ARHGAP33: variants seen among roughly 807,000 people sequenced by gnomAD.
The protein encoded by ARHGAP33 is Rho GTPase activating protein 33.
A neutral mutation model predicts 126.2 loss-of-function variants in ARHGAP33; 57 were observed. The ratio of observed to expected loss-of-function variants is 0.45; its 90% confidence interval spans 0.36 to 0.56. The LOEUF (loss-of-function observed/expected upper bound fraction) is 0.56, where lower values mean the gene tolerates loss of function less well. Ranked by LOEUF, ARHGAP33 falls within the 20% of genes least tolerant of loss-of-function variation. The pLI, the probability that ARHGAP33 is intolerant of heterozygous loss-of-function variation, is 0.00. For synonymous variants in ARHGAP33, 711 were observed against 755.0 expected (o/e 0.94, Z 0.95); for missense variants, 1,500 against 1,748.3 (o/e 0.86, Z 2.53).
Position 35,786,928 on chromosome 19 carries a change from G to GC in ARHGAP33, c.2460dup (p.Thr821HisfsTer30). ...GGGGGCTGGGGGAGCACCTGCCTCA[G>GC]CCACCCCAACACCAGCTCTCAGCCC... On this transcript the variant is annotated frameshift_variant, in exon 20 of 21. Coordinates refer to ENST00000007510, the MANE Select transcript of ARHGAP33 (RefSeq NM_001366178.1). LOFTEE classifies it high-confidence loss of function. This position sits in a 1 kb window ranked among gnomAD's most constrained non-coding sequence, Gnocchi z 7.0. 6.2e-7 allele frequency: 1 copy of GC among 1,610,676 alleles called. No homozygotes were observed. Among genetic ancestry groups the GC allele is most frequent in the Non-Finnish European group, 8.5e-7 (1 of 1,179,580 alleles).
chr19:35,779,936 AT>A, intron 6 of ARHGAP33: 1 of 563,612 alleles, frequency 1.8e-6, no homozygotes, highest in South Asian at 1.5e-5. Flanking sequence ...GCAGAGGTGG[AT>A]GGGGAAGCCT....
rs769272533 is a variant in ARHGAP33, at chr19:35,784,310, C to A, written c.1560C>A (p.Asp520Glu). ...FSDTFTSAGL[D>E]PAGRCLLPRP... is the part of the protein sequence containing the mutation. ...ACACCTTCACCTCCGCCGGCCTCGA[C>A]CCTGCAGGTATGCCCTCCCACCCCC... is the stretch of plus-strand genomic sequence containing the variant. Residue 520 changes from aspartate (D) to glutamate (E), a missense_variant, in exon 16 of 21, where the codon GAC becomes GAA. This residue lies in a region of ARHGAP33 where 300 missense variants were observed against 291.1 expected (regional missense o/e 1.03). Transcript: ENST00000007510. The A allele has an allele frequency of 1.3e-6, 2 of 1,577,800 alleles. No individual in the cohort carries two copies. The highest frequency in any genetic ancestry group is 2.3e-5 in the East Asian group (1 of 43,096).
rs1446516322 is a variant in ARHGAP33, at chr19:35,786,548, C to A, written c.2078C>A (p.Ser693Tyr). 2 of 1,536,026 alleles carry A rather than the reference C, an allele frequency of 1.3e-6. No individual in the cohort carries two copies. Among genetic ancestry groups the A allele is most frequent in the African/African-American group, 2.7e-5 (2 of 73,024 alleles). The change falls in exon 20 of 21, where the codon TCT becomes TAT. Residue 693 changes from serine (S) to tyrosine (Y), a missense_variant. By Grantham distance (144) the Ser-to-Tyr change is moderately radical. This residue lies in a region of ARHGAP33 where 300 missense variants were observed against 291.1 expected (regional missense o/e 1.03). Coordinates refer to ENST00000007510, the MANE Select transcript of ARHGAP33 (RefSeq NM_001366178.1). This position sits in a 1 kb window ranked among gnomAD's most constrained non-coding sequence, Gnocchi z 7.0. ...GAGTCCTCCTCCTCTGAGTCCTCCT[C>A]TTCCTCCTCTGAGTCCTCAGCAGCT... Reference protein sequence around the residue: ...SSESSSSESSSSSSESSAAGL... With the variant: ...SSESSSSESSYSSSESSAAGL...
chr19:35,783,033 C>T, intron 15 of ARHGAP33, 164 bp downstream of exon 15: 3 of 615,574 alleles, frequency 4.9e-6, no homozygotes, highest in Non-Finnish European at 8.6e-6. Flanking sequence ...TGAGCATGGC[C>T]CTGTCCTCCT....
Position 35,785,665 on chromosome 19 carries a change from C to T in ARHGAP33, c.1942+182C>T, listed in dbSNP as rs915091800. The T allele has an allele frequency of 2.0e-5, 29 of 1,433,026 alleles. No individual in the cohort carries two copies. In the Admixed American group the frequency reaches 4.8e-4, roughly 24 times the overall value. The allele number at this position is 1,433,026 out of a possible 1,614,324, so 88.8% of individuals were successfully genotyped here. A position where few individuals can be genotyped will look rare whatever the true frequency, so the allele number is the denominator to read the frequency against. On this transcript the variant is annotated intron_variant, in intron 19 of 20. Transcript: ENST00000007510. Reference sequence around the variant, plus strand: ...ACAGTATCACCTTTGGTTCATCACACACTGAACTTAACTTACTCATTGGTC... The same window carrying T: ...ACAGTATCACCTTTGGTTCATCACATACTGAACTTAACTTACTCATTGGTC...
intron 15 of ARHGAP33, 134 bp downstream of exon 15, chr19:35,783,003 TAGCACTGGGGACCC>T: frequency 1.3e-6 from 1 of 742,974 alleles, no homozygotes; most frequent in Non-Finnish European, 2.2e-6. Flanking sequence ...GCCCCGTCCC[TAGCACTGGGGACCC>T]AGCACTGAGC....
Position 35,787,991 on chromosome 19 carries a change from C to A in ARHGAP33, c.3426C>A (p.Pro1142=), listed in dbSNP as rs760259395. The A allele has an allele frequency of 6.3e-7, 1 of 1,576,448 alleles. No homozygotes were observed. The highest frequency in any genetic ancestry group is 8.7e-7 in the Non-Finnish European group (1 of 1,151,174). The change falls in exon 21 of 21, where the codon CCC becomes CCA. Residue 1142 remains proline (P), a synonymous_variant. Coordinates refer to ENST00000007510, the MANE Select transcript of ARHGAP33 (RefSeq NM_001366178.1). ...TCCTGCTCAGCTACCCGCCAGCCCC[C>A]TCCTGCTTTCCCCCTGACCACCTTG... The part of the protein sequence containing the change: ...PDFLLSYPPA[P]SCFPPDHLGY...
At chr19:35,781,294 C>G (rs981636823) in intron 12 of ARHGAP33, 42 bp downstream of exon 12, 1 of 1,581,448 alleles carries the variant, frequency 6.3e-7, no homozygotes. Context: ...CAGGCACTCA[C>G]CCAGCACCTC....
In ARHGAP33 at chr19:35,782,490, C is replaced by T; in HGVS notation, c.1203C>T (p.Leu401=). Residue 401 remains leucine (L), a synonymous_variant, in exon 13 of 21, where the codon CTC becomes CTT. Transcript: ENST00000007510. The surrounding 1 kb of genome is among the most constrained non-coding windows in gnomAD (Gnocchi z 4.1). The stretch of plus-strand genomic sequence containing the variant: ...TCCGAGAGCTTCCGAACCCTCTGCT[C>T]ACCTACCAGCTCTATGGGAAGTTCA... ...LYFRELPNPL[L]TYQLYGKFSE... 3.7e-6 allele frequency: 6 copies of T among 1,613,390 alleles called. 1 individual carries two copies. The highest frequency in any genetic ancestry group is 3.3e-5 in the South Asian group (3 of 91,064).
rs1163491885 is a variant in ARHGAP33 at position 35,782,228 on chromosome 19, C to A, written c.1086-145C>A. 2.3e-6 allele frequency: 2 copies of A among 871,166 alleles called. No homozygotes were observed. Among genetic ancestry groups the A allele is most frequent in the African/African-American group, 1.7e-5 (1 of 59,886 alleles). The allele number at this position is 871,166 out of a possible 1,614,324, so 54.0% of individuals were successfully genotyped here. A position where few individuals can be genotyped will look rare whatever the true frequency, so the allele number is the denominator to read the frequency against. ...GCTTGCTGGGGAGTTCAGTAAGGTT[C>A]TGCCTCTGAAGAGCCCAGTGTAGGA... On this transcript the variant is annotated intron_variant, in intron 12 of 20. Transcript: ENST00000007510. This position sits in a 1 kb window ranked among gnomAD's most constrained non-coding sequence, Gnocchi z 4.1.
Position 35,788,178 on chromosome 19 carries a change from C to A in ARHGAP33, c.3613C>A (p.Arg1205Ser). ...TTCAGATCCCGGTCCCCCAGTCCCC[C>A]GCCTTCCCCAGAAACAACGGGCACC... is the stretch of plus-strand genomic sequence containing the variant. Reference protein sequence around the residue: ...SRSDPGPPVPRLPQKQRAPWG... With the variant: ...SRSDPGPPVPSLPQKQRAPWG... The change falls in exon 21 of 21, where the codon CGC becomes AGC. Residue 1205 changes from arginine (R) to serine (S), a missense_variant. Transcript: ENST00000007510. The A allele has an allele frequency of 1.2e-6, 2 of 1,608,722 alleles. No individual in the cohort carries two copies. The highest frequency in any genetic ancestry group is 1.7e-6 in the Non-Finnish European group (2 of 1,178,136).
chr19:35,779,813 A>G (rs1568423997), intron 6 of ARHGAP33: 1 of 423,344 alleles, frequency 2.4e-6, no homozygotes, highest in South Asian at 1.6e-5. Flanking sequence ...GGGTCAAGCA[A>G]TTCTCCAGGC....
At chr19:35,778,984 C>A (rs760973049) in intron 5 of ARHGAP33, 48 bp from the exon 6 acceptor site, 52 of 1,467,326 alleles carry the variant, frequency 3.5e-5, no homozygotes, top group Non-Finnish European at 4.8e-5. Context: ...GGGCAGTGGG[C>A]TCTCTCACGT....
rs1213415041 is a variant in ARHGAP33, at chr19:35,777,637, C to T, written c.7-8C>T. On this transcript the variant is annotated splice_region_variant and splice_polypyrimidine_tract_variant and intron_variant, in intron 1 of 20. Coordinates refer to ENST00000007510, the MANE Select transcript of ARHGAP33 (RefSeq NM_001366178.1). ...CTCTGGGGGCCTCTGATTCTTTCTG[C>T]TCTACAGGCACGCAGCACTGACAGC... is the stretch of plus-strand genomic sequence containing the variant. 1.3e-6 allele frequency: 2 copies of T among 1,561,976 alleles called. No individual in the cohort carries two copies. Among genetic ancestry groups the T allele is most frequent in the Non-Finnish European group, 1.7e-6 (2 of 1,151,940 alleles).
chr19:35,780,378 C>G (rs777222058), intron 7 of ARHGAP33, 43 bp from the exon 8 acceptor site: 2 of 1,610,514 alleles, frequency 1.2e-6, no homozygotes, highest in East Asian at 2.2e-5. Flanking sequence ...CCCCACACCC[C>G]CTGCTCCTTC....
Position 35,780,767 on chromosome 19 carries a change from C to T in ARHGAP33, c.780C>T (p.Gly260=), listed in dbSNP as rs1971721622. The T allele has an allele frequency of 6.2e-6, 10 of 1,613,844 alleles. No individual in the cohort carries two copies. In the East Asian group the frequency reaches 1.8e-4, roughly 29 times the overall value. The change falls in exon 10 of 21, where the codon GGC becomes GGT. Residue 260 remains glycine (G), a synonymous_variant. Transcript: ENST00000007510. ...PGPGLKADAD[G]PPCGIPAPQG... is the part of the protein sequence containing the mutation. The stretch of plus-strand genomic sequence containing the variant: ...TTTTTCGCCTAGCAGATGCCGATGG[C>T]CCCCCATGTGGCATCCCGGCTCCCC...
At chr19:35,783,492 A>G (rs1000340213) in intron 15 of ARHGAP33, among the ~76,000 whole-genome samples, 1 of 152,140 alleles carries the variant, frequency 6.6e-6, no homozygotes, top group African/African-American at 2.4e-5. Flanking sequence ...AGGATGAGGG[A>G]GGGCCCCAGG....
At position 35,787,494 on chromosome 19, in the gene ARHGAP33, G is replaced by A; in HGVS notation, c.2929G>A (p.Gly977Arg). Residue 977 changes from glycine (G) to arginine (R), a missense_variant, in exon 21 of 21, where the codon GGG becomes AGG. This residue lies in a region of ARHGAP33 where 642 missense variants were observed against 634.0 expected (regional missense o/e 1.01). Coordinates refer to ENST00000007510, the MANE Select transcript of ARHGAP33 (RefSeq NM_001366178.1). ...CTACTTACCAAGGCAACAAAGTGAT[G>A]GGAGCCTGCTGAGGAGCCAGCGGCC... is the stretch of plus-strand genomic sequence containing the variant. Reference protein sequence around the residue: ...PPYLPRQQSDGSLLRSQRPMG... With the variant: ...PPYLPRQQSDRSLLRSQRPMG... 6.2e-7 allele frequency: 1 copy of A among 1,612,334 alleles called. No individual in the cohort carries two copies. Among genetic ancestry groups the A allele is most frequent in the Non-Finnish European group, 8.5e-7 (1 of 1,179,602 alleles).
chr19:35,781,319 G>T, intron 12 of ARHGAP33, 67 bp downstream of exon 12: 1 of 1,491,490 alleles, frequency 6.7e-7, no homozygotes, highest in Non-Finnish European at 9.3e-7. Flanking sequence ...CCAGCCCCGT[G>T]CTGCATGCTG....
Sources: allele counts gnomAD v4.1 joint callset (sites outside exome capture counted in the v4.1 genomes callset), GRCh38; gene constraint gnomAD v4.1.1; regional missense constraint gnomAD v4.1.1; non-coding constraint Gnocchi (gnomAD v3.1); transcripts MANE v1.5; gene names NCBI Gene and HGNC (gene_info 2026-07-23, HGNC 2026-07-21).